Variants in CTNNA3 observed in about 807,000 individuals in gnomAD.
CTNNA3 encodes catenin alpha 3.
Under a neutral mutation model 95.7 loss-of-function variants are expected in CTNNA3, and 76 were observed. The observed-to-expected ratio is 0.79, with a 90% CI of 0.66 to 0.96. The LOEUF is 0.96. Ranked by LOEUF, CTNNA3 falls within the 40% of genes least tolerant of loss-of-function variation. The pLI, the probability that CTNNA3 is intolerant of heterozygous loss-of-function variation, is 0.00. For synonymous variants in CTNNA3, 431 were observed against 374.4 expected (o/e 1.15, Z -1.74); for missense variants, 1,191 against 1,089.8 (o/e 1.09, Z -1.31).
chr10:67,692,047 C>T lies in CTNNA3; in HGVS notation c.-6+3953G>A, dbSNP rs1391137566. Among the ~76,000 whole-genome samples the T allele has an allele frequency of 4.0e-3, 547 of 135,964 alleles. 10 individuals are homozygous for T. Among genetic ancestry groups the T allele is most frequent in the African/African-American group, 0.014 (494 of 35,664 alleles). The allele number at this position is 135,964 out of a possible 152,430, so 89.2% of individuals were successfully genotyped here. On this transcript the variant is annotated intron_variant, in intron 1 of 17. Transcript: ENST00000433211. ...TGAGGAGCCCCTCTGCCCGGCCAGC[C>T]GCCCCGTCCGGGAGGGAGGTGGGGG... is the stretch of plus-strand genomic sequence containing the variant.
At chr10:65,956,336 C>A (rs1459625543) in intron 17 of CTNNA3, among the ~76,000 whole-genome samples, 2 of 152,260 alleles carry the variant, frequency 1.3e-5, no homozygotes, top group African/African-American at 4.8e-5. Context: ...TTTCAAAAAA[C>A]CAGCTCCTGG....
intron 15 of CTNNA3, among the ~76,000 whole-genome samples, chr10:66,007,691 C>G (rs2078915765): frequency 2.2e-5 from 2 of 91,244 alleles, no homozygotes; most frequent in African/African-American, 8.3e-5. Flanking sequence ...GGAGTATAAG[C>G]CAGGCTTTTA....
intron 9 of CTNNA3, among the ~76,000 whole-genome samples, chr10:66,655,203 C>G (rs1306116338): frequency 6.6e-6 from 1 of 151,956 alleles, no homozygotes; most frequent in African/African-American, 2.4e-5. Flanking sequence ...TAAATAAACA[C>G]AATTTTATTT....
At position 66,152,665 on chromosome 10, in the gene CTNNA3, C is replaced by T. The variant is rs7896982; in HGVS notation, c.1885-49416G>A. Reference sequence around the variant, plus strand: ...TTTTCAAAATGCTGTGCAAACTATGCCTATGACCCTCAAGAGCATTTTTGA... The same window carrying T: ...TTTTCAAAATGCTGTGCAAACTATGTCTATGACCCTCAAGAGCATTTTTGA... On this transcript the variant is annotated intron_variant, in intron 13 of 17. Transcript: ENST00000433211. 8.5e-3 allele frequency among the ~76,000 whole-genome samples: 1,291 copies of T among 151,866 alleles called. 31 individuals are homozygous for T. The highest frequency in any genetic ancestry group is 0.029 in the African/African-American group (1,191 of 41,462).
chr10:67,640,557 A>T (rs1396521461), intron 2 of CTNNA3, among the ~76,000 whole-genome samples: 1 of 152,236 alleles, frequency 6.6e-6, no homozygotes, highest in African/African-American at 2.4e-5. Context: ...GTCAATCCTA[A>T]GCCAAAAGAA....
chr10:66,785,718 C>T (rs530214160), intron 7 of CTNNA3, among the ~76,000 whole-genome samples: 4 of 152,296 alleles, frequency 2.6e-5, no homozygotes, highest in African/African-American at 9.6e-5. Context: ...GATACTTCCT[C>T]ACCTTTATAA....
intron 5 of CTNNA3, among the ~76,000 whole-genome samples, chr10:67,474,406 A>G (rs1191271612): frequency 6.6e-6 from 1 of 152,174 alleles, no homozygotes; most frequent in Non-Finnish European, 1.5e-5. Flanking sequence ...CAGAGGAAAA[A>G]CCATGTGAGG....
At chr10:67,758,305 CAT>C (rs1261166090) in intron 1 of CTNNA3, among the ~76,000 whole-genome samples, 35 of 117,368 alleles carry the variant, frequency 3.0e-4, no homozygotes, top group Admixed American at 1.7e-3. Flanking sequence ...CACACACACA[CAT>C]ATATATAAAT....
At chr10:67,046,218 C>T (rs556345959) in intron 7 of CTNNA3, among the ~76,000 whole-genome samples, 12 of 152,234 alleles carry the variant, frequency 7.9e-5, no homozygotes, top group South Asian at 2.1e-4. Flanking sequence ...TTAAAGACCC[C>T]GTGTCATCTT....
chr10:65,923,048 C>T (rs769288955), intron 17 of CTNNA3, among the ~76,000 whole-genome samples: 9 of 152,142 alleles, frequency 5.9e-5, no homozygotes, highest in Non-Finnish European at 1.3e-4. Flanking sequence ...ACCTCCCTCC[C>T]TCAATATGTG....
At chr10:66,770,195 T>C (rs1246456889) in intron 8 of CTNNA3, among the ~76,000 whole-genome samples, 1 of 152,184 alleles carries the variant, frequency 6.6e-6, no homozygotes, top group Non-Finnish European at 1.5e-5. Flanking sequence ...GACTAGAATG[T>C]TATGCTAAGC....
At chr10:66,211,256 C>A (rs2131949593) in intron 13 of CTNNA3, among the ~76,000 whole-genome samples, 1 of 152,274 alleles carries the variant, frequency 6.6e-6, no homozygotes, top group African/African-American at 2.4e-5. Flanking sequence ...AGGTGCTAGA[C>A]TTCAAGCAGC....
At chr10:66,466,966 C>A (rs940782350) in intron 11 of CTNNA3, among the ~76,000 whole-genome samples, 9 of 152,024 alleles carry the variant, frequency 5.9e-5, no homozygotes, top group African/African-American at 2.2e-4. Context: ...TTGACTGTTT[C>A]TCTCACTGTA....
intron 5 of CTNNA3, among the ~76,000 whole-genome samples, chr10:67,279,033 T>A (rs1464798816): frequency 6.6e-6 from 1 of 152,060 alleles, no homozygotes; most frequent in Non-Finnish European, 1.5e-5. Flanking sequence ...GTGGGTAAAT[T>A]TTTTCTGGAG....
chr10:66,889,054 T>C (rs1055706881), intron 7 of CTNNA3, among the ~76,000 whole-genome samples: 1 of 152,144 alleles, frequency 6.6e-6, no homozygotes, highest in Non-Finnish European at 1.5e-5. Flanking sequence ...AAATGAGCTA[T>C]CCAGCCATGA....
chr10:67,439,978 C>T (rs527818726), intron 5 of CTNNA3, among the ~76,000 whole-genome samples: 1 of 152,250 alleles, frequency 6.6e-6, no homozygotes, highest in South Asian at 2.1e-4. Context: ...GGGGCTTTTT[C>T]TTGCACATTA....
At chr10:67,429,156 G>C (rs950709078) in intron 5 of CTNNA3, among the ~76,000 whole-genome samples, 6 of 151,868 alleles carry the variant, frequency 4.0e-5, no homozygotes, top group African/African-American at 1.5e-4. Flanking sequence ...TGTTTGTCTA[G>C]TATTAAGTTA....
chr10:67,314,785 C>A (rs1319470273), intron 5 of CTNNA3, among the ~76,000 whole-genome samples: 1 of 152,132 alleles, frequency 6.6e-6, no homozygotes, highest in Non-Finnish European at 1.5e-5. Flanking sequence ...AGTTGACTAT[C>A]ATTTATTATT....
At chr10:67,405,895 A>C (rs1371501315) in intron 5 of CTNNA3, among the ~76,000 whole-genome samples, 1 of 152,184 alleles carries the variant, frequency 6.6e-6, no homozygotes, top group Non-Finnish European at 1.5e-5. Context: ...CAAGATTAAG[A>C]AATGCATTCA....
Sources: gnomAD v4.1 joint callset for allele counts (sites outside exome capture counted in the v4.1 genomes callset) on GRCh38, gnomAD v4.1.1 for gene constraint, MANE v1.5 for transcripts, NCBI Gene and HGNC (gene_info 2026-07-23, HGNC 2026-07-21) for gene names.